RGS3: variants seen among roughly 807,000 people sequenced by gnomAD.
RGS3 encodes regulator of G protein signaling 3, also known as regulator of G-protein signalling 3.
RGS3 carries 80 observed loss-of-function variants against 132.6 expected under a neutral mutation model. The ratio of observed to expected loss-of-function variants is 0.60; its 90% CI spans 0.50 to 0.73. The LOEUF is 0.73. Among genes scored for constraint, RGS3 ranks in the 30% least tolerant of loss-of-function variants. RGS3 has a pLI of 0.00. For missense variants in RGS3, 1,382 were observed against 1,530.8 expected, an observed-to-expected ratio of 0.90 and a Z score of 1.62; for synonymous variants, 598 against 620.6, an observed-to-expected ratio of 0.96 and a Z score of 0.54.
chr9:113,564,938 C>CGGTGA, intron 19 of RGS3: 1 of 995,974 alleles, frequency 1.0e-6, no homozygotes. Context: ...CTCGGTGCCT[C>CGGTGA]GGTGATTGGC....
In RGS3 at chr9:113,591,557, TGACCCCAAAGTGGGGTCACCTGG is replaced by T. The variant is rs1256078446; in HGVS notation, c.3080+162_3080+184del. The T allele has an allele frequency of 1.3e-5, 9 of 675,692 alleles. No individual in the cohort carries two copies. The African/African-American group carries it at 1.6e-4, about 12-fold the overall frequency. 41.9% of individuals were successfully genotyped at this position (675,692 alleles called of 1,614,324 possible). On this transcript the variant is annotated intron_variant, in intron 21 of 24. Transcript: ENST00000350696. The surrounding 1 kb of genome is among the most constrained non-coding windows in gnomAD (Gnocchi z 4.4). ...AAAACTGGATCTTGGAACTTTGCAG[TGACCCCAAAGTGGGGTCACCTGG>T]GTCCTGAGCATTCTCTCCAAGTGAG... is the stretch of plus-strand genomic sequence containing the variant.
At chr9:113,447,871 A>G (rs1829148293) in intron 1 of RGS3, among the ~76,000 whole-genome samples, 1 of 136,056 alleles carries the variant, frequency 7.3e-6, no homozygotes, top group African/African-American at 2.8e-5. Context: ...TTTTTTTGAG[A>G]CAGGGTCCCG....
chr9:113,580,739 T>G, intron 19 of RGS3: 1 of 948,006 alleles, frequency 1.1e-6, no homozygotes, highest in Non-Finnish European at 1.3e-6. Flanking sequence ...CTGGCTTTGT[T>G]TGGTTTGGCC....
chr9:113,529,075 C>G, intron 17 of RGS3, 146 bp from the exon 16 acceptor site: 1 of 691,612 alleles, frequency 1.4e-6, no homozygotes, highest in Non-Finnish European at 2.6e-6. Flanking sequence ...CCTCCAGAGA[C>G]TTCCCTGCCT....
At chr9:113,578,943 G>T (rs1834658315) in intron 19 of RGS3, among the ~76,000 whole-genome samples, 1 of 152,192 alleles carries the variant, frequency 6.6e-6, no homozygotes, top group South Asian at 2.1e-4. Flanking sequence ...GAGTGGGGTA[G>T]CTTGGGATCA....
chr9:113,487,100 CT>C (rs60523804), intron 7 of RGS3, among the ~76,000 whole-genome samples: 6,860 of 116,946 alleles, frequency 0.059, 73 homozygotes, highest in Non-Finnish European at 0.081. Context: ...TCATTTAATT[CT>C]TTTTTTTTTT....
At chr9:113,461,562 T>C in intron 1 of RGS3, 1 of 776,860 alleles carries the variant, frequency 1.3e-6, no homozygotes. Flanking sequence ...CAGCTCAGGA[T>C]CAGGCTGGCC....
chr9:113,511,133 T>C (rs1831381727), intron 14 of RGS3, among the ~76,000 whole-genome samples: 2 of 152,232 alleles, frequency 1.3e-5, no homozygotes, highest in South Asian at 2.1e-4. Flanking sequence ...GTTGGCATGT[T>C]TCCCAGGGCT....
At chr9:113,447,265 G>GAA (rs60192215) in intron 1 of RGS3, among the ~76,000 whole-genome samples, 11,667 of 52,994 alleles carry the variant, frequency 0.22, 1,177 homozygotes, top group African/African-American at 0.25. Context: ...CTGTCTCAAA[G>GAA]AAAAAAAAAA....
chr9:113,503,118 C>G (rs1830970149), intron 10 of RGS3, among the ~76,000 whole-genome samples: 1 of 152,198 alleles, frequency 6.6e-6, no homozygotes, highest in African/African-American at 2.4e-5. Flanking sequence ...GGAGCAGTGG[C>G]TGTTCCTGCC....
chr9:113,538,775 C>A (rs1161984857), intron 19 of RGS3, among the ~76,000 whole-genome samples: 1 of 152,152 alleles, frequency 6.6e-6, no homozygotes, highest in East Asian at 1.9e-4. Flanking sequence ...CATGGAGAAG[C>A]TGTGTGCTGG....
intron 16 of RGS3, 197 bp from the exon 15 acceptor site, chr9:113,522,733 T>G (rs1403735983): frequency 3.4e-6 from 2 of 588,890 alleles, no homozygotes; most frequent in Non-Finnish European, 6.1e-6. Context: ...AGCTGGAGGG[T>G]GATGGGGCCA....
chr9:113,505,170 G>T (rs1241552518), intron 10 of RGS3: 6 of 485,374 alleles, frequency 1.2e-5, no homozygotes, highest in Non-Finnish European at 2.2e-5. Context: ...GGCAAAGTTT[G>T]CTTTTCCAAG....
At position 113,463,476 on chromosome 9, in the gene RGS3, T is replaced by A. The variant is rs1393436454; in HGVS notation, c.415+1275T>A. Among the ~76,000 whole-genome samples, 1 of 152,154 alleles carries A rather than the reference T, an allele frequency of 6.6e-6. No homozygotes were observed. The highest frequency in any genetic ancestry group is 1.5e-5 in the Non-Finnish European group (1 of 68,018). ...ACTGGGCCTTCTCGTGGGACTGGCA[T>A]TTCCAACCGGGAGCGCGGTGCTGGG... On this transcript the variant is annotated intron_variant, in intron 3 of 24. Transcript: ENST00000350696. This position sits in a 1 kb window ranked among gnomAD's most constrained non-coding sequence, Gnocchi z 4.6.
At chr9:113,478,535 G>A (rs544924298) in intron 3 of RGS3, among the ~76,000 whole-genome samples, 8 of 152,232 alleles carry the variant, frequency 5.3e-5, no homozygotes, top group South Asian at 2.1e-4. Flanking sequence ...TTTGTGGGGC[G>A]TGGTGGCTCA....
At chr9:113,534,177 C>T (rs1360220051) in intron 18 of RGS3, among the ~76,000 whole-genome samples, 1 of 152,228 alleles carries the variant, frequency 6.6e-6, no homozygotes, top group East Asian at 1.9e-4. Context: ...TCCACCCCAG[C>T]TCAAGGCCTG....
chr9:113,569,090 C>T (rs1834139709), intron 19 of RGS3, among the ~76,000 whole-genome samples: 3 of 152,244 alleles, frequency 2.0e-5, no homozygotes, highest in Admixed American at 2.0e-4. Flanking sequence ...CATGGGCCAG[C>T]CCGCTTGCAC....
intron 18 of RGS3, among the ~76,000 whole-genome samples, chr9:113,535,403 C>A (rs941480343): frequency 6.6e-6 from 1 of 152,082 alleles, no homozygotes; most frequent in Non-Finnish European, 1.5e-5. Flanking sequence ...GAACACCTGA[C>A]CTCATGATCC....
chr9:113,538,788 A>G (rs1431093604), intron 19 of RGS3, among the ~76,000 whole-genome samples: 2 of 152,206 alleles, frequency 1.3e-5, no homozygotes, highest in Admixed American at 6.5e-5. Flanking sequence ...TGTGCTGGAC[A>G]GGAGAAGGAT....
Sources: gnomAD v4.1 joint callset for allele counts (sites outside exome capture counted in the v4.1 genomes callset) on GRCh38, gnomAD v4.1.1 for gene constraint, Gnocchi (gnomAD v3.1) non-coding constraint, MANE v1.5 for transcripts, NCBI Gene and HGNC (gene_info 2026-07-23, HGNC 2026-07-21) for gene names.